The following MORC1 variants were observed in gnomAD, a reference collection of about 807,000 sequenced individuals.
MORC1 encodes the protein MORC family CW-type zinc finger 1, also known as MORC family CW-type zinc finger protein 1.
MORC1 carries 59 observed loss-of-function variants against 134.9 expected under a neutral mutation model. The observed-to-expected ratio is 0.44, with a 90% confidence interval of 0.35 to 0.54. MORC1 has a LOEUF of 0.54. Among genes scored for constraint, MORC1 ranks in the 20% least tolerant of loss-of-function variants. The probability of loss-of-function intolerance (pLI) is 0.00; values close to 1 mark genes in which losing one functional copy is unlikely to be tolerated. For synonymous variants in MORC1, 395 were observed against 391.7 expected (o/e 1.01, Z -0.10); for missense variants, 947 against 1,134.5 (o/e 0.83, Z 2.37).
At chr3:109,027,284 T>C (rs1426246098) in intron 17 of MORC1, among the ~76,000 whole-genome samples, 2 of 152,364 alleles carry the variant, frequency 1.3e-5, no homozygotes, top group African/African-American at 2.4e-5. Flanking sequence ...GTTTTATTTA[T>C]TGAATTTTCT....
At chr3:109,003,147 T>C (rs903368673) in intron 20 of MORC1, among the ~76,000 whole-genome samples, 2 of 152,060 alleles carry the variant, frequency 1.3e-5, no homozygotes, top group African/African-American at 4.8e-5. Flanking sequence ...TCTGTAATTA[T>C]TGGGTGTCTG....
intron 9 of MORC1, among the ~76,000 whole-genome samples, chr3:109,065,786 T>C (rs1381708833): frequency 2.6e-5 from 4 of 152,132 alleles, no homozygotes; most frequent in Admixed American, 6.5e-5. Flanking sequence ...CAATGGTGGA[T>C]TGGATTTTTT....
At chr3:109,052,376 T>C (rs1949849745) in intron 14 of MORC1, among the ~76,000 whole-genome samples, 1 of 152,196 alleles carries the variant, frequency 6.6e-6, no homozygotes, top group African/African-American at 2.4e-5. Flanking sequence ...ATAAATCACC[T>C]GGAGATCTTG....
rs540053708 is a variant in MORC1, at chr3:109,108,683, G to T, written c.154+2066C>A. On this transcript the variant is annotated intron_variant, in intron 3 of 27. Transcript: ENST00000232603. ...GAGGCCGAGGCGGGCGGATCACAAG[G>T]TCAGGAGATCAAGACCATCCTGGCT... 6.6e-5 allele frequency among the ~76,000 whole-genome samples: 10 copies of T among 152,190 alleles called. No homozygotes were observed. The South Asian group carries it at 1.9e-3, about 28-fold the overall frequency.
chr3:108,972,734 A>G (rs1189397817), intron 24 of MORC1, among the ~76,000 whole-genome samples: 1 of 152,170 alleles, frequency 6.6e-6, no homozygotes, highest in Non-Finnish European at 1.5e-5. Flanking sequence ...CCTTTTACAC[A>G]AACTAAACCT....
Position 108,991,580 on chromosome 3 carries a change from G to A in MORC1, c.2188-4631C>T, listed in dbSNP as rs193028476. Among the ~76,000 whole-genome samples the A allele has an allele frequency of 6.6e-5, 10 of 152,196 alleles. No individual in the cohort carries two copies. In the East Asian group the frequency reaches 1.9e-3, roughly 29 times the overall value. On this transcript the variant is annotated intron_variant, in intron 21 of 27. Transcript: ENST00000232603. ...TCTCTGGGTAGTTCATCCTTTTTCTGTCTACTCTCAACTTCTCAAGGAACC... is the reference window on the plus strand; with the variant it reads ...TCTCTGGGTAGTTCATCCTTTTTCTATCTACTCTCAACTTCTCAAGGAACC...
At chr3:109,050,596 G>T (rs867371601) in intron 14 of MORC1, among the ~76,000 whole-genome samples, 16 of 152,182 alleles carry the variant, frequency 1.1e-4, no homozygotes, top group African/African-American at 2.9e-4. Flanking sequence ...TAAACATTCA[G>T]ACCATAGCAC....
chr3:109,030,958 A>G (rs1239980464), intron 16 of MORC1, among the ~76,000 whole-genome samples: 3 of 152,214 alleles, frequency 2.0e-5, no homozygotes, highest in Non-Finnish European at 4.4e-5. Context: ...TCACAAATAT[A>G]TATACATATC....
At chr3:108,960,476 G>GCCAC (rs1421919252) in intron 27 of MORC1, among the ~76,000 whole-genome samples, 2 of 152,198 alleles carry the variant, frequency 1.3e-5, no homozygotes, top group African/African-American at 4.8e-5. Context: ...CTACCTAGAG[G>GCCAC]TGGAAGTGGT....
Position 108,971,373 on chromosome 3 carries a change from T to C in MORC1, c.2507A>G (p.His836Arg), listed in dbSNP as rs1486867877. 3 of 1,613,562 alleles carry C rather than the reference T, an allele frequency of 1.9e-6. No homozygotes were observed. The highest frequency in any genetic ancestry group is 2.5e-6 in the Non-Finnish European group (3 of 1,179,656). The stretch of plus-strand genomic sequence containing the variant: ...TTCTTCCAATTCTGATGGTAGCTGA[T>C]GCTCAGGAAAAAAATACAGAAGAAT... ...REILLYFFPE[H>R]QLPSELEEPA... is the part of the protein sequence containing the mutation. Residue 836 changes from histidine to arginine, a missense_variant, in exon 25 of 28, where the codon CAT (histidine) becomes CGT (arginine). Coordinates refer to ENST00000232603, the MANE Select transcript of MORC1 (RefSeq NM_014429.4).
intron 4 of MORC1, among the ~76,000 whole-genome samples, chr3:109,103,517 G>A (rs888791198): frequency 6.6e-6 from 1 of 152,084 alleles, no homozygotes; most frequent in African/African-American, 2.4e-5. Flanking sequence ...AATACCTAAA[G>A]GATGAGCTAA....
At chr3:108,983,936 T>G (rs937313496) in intron 23 of MORC1, among the ~76,000 whole-genome samples, 11 of 152,158 alleles carry the variant, frequency 7.2e-5, no homozygotes, top group African/African-American at 2.4e-4. Flanking sequence ...GGGCTAAAAG[T>G]AGAGGCATGA....
At chr3:108,962,407 C>A (rs1272501318) in intron 27 of MORC1, among the ~76,000 whole-genome samples, 1 of 151,962 alleles carries the variant, frequency 6.6e-6, no homozygotes, top group Non-Finnish European at 1.5e-5. Flanking sequence ...GGAATGAAAC[C>A]CAGGCAGCCT....
Position 109,004,919 on chromosome 3 carries a change from T to C in MORC1, c.2014-31A>G, listed in dbSNP as rs748447107. On this transcript the variant is annotated intron_variant, in intron 19 of 27. Transcript: ENST00000232603. ...AAAACAGAGAATACAGAAAAAAAAA[T>C]TAGAAATTGGGACCTTGTCCAGGAA... 3 of 1,592,436 alleles carry C rather than the reference T, an allele frequency of 1.9e-6. No homozygotes were observed. The South Asian group carries it at 3.4e-5, about 18-fold the overall frequency.
rs9880586 is a variant in MORC1, at chr3:109,002,291, C to T, written c.2086-1633G>A. ...CAGTCAGGCACTAGATGGAACAATG[C>T]TTTACTCACATAGAGAAGAGATAAA... On this transcript the variant is annotated intron_variant, in intron 20 of 27. Transcript: ENST00000232603. Among the ~76,000 whole-genome samples, 317 of 152,306 alleles carry T rather than the reference C, an allele frequency of 2.1e-3. 2 individuals are homozygous for T. Among genetic ancestry groups the T allele is most frequent in the African/African-American group, 7.1e-3 (295 of 41,564 alleles).
At chr3:109,043,469 A>C (rs1949609461) in intron 14 of MORC1, among the ~76,000 whole-genome samples, 1 of 152,136 alleles carries the variant, frequency 6.6e-6, no homozygotes, top group Non-Finnish European at 1.5e-5. Flanking sequence ...AGATGAAAAG[A>C]GTTTTAGAGA....
At chr3:109,041,270 C>T (rs571940455) in intron 14 of MORC1, among the ~76,000 whole-genome samples, 3 of 151,544 alleles carry the variant, frequency 2.0e-5, no homozygotes, top group African/African-American at 7.3e-5. Flanking sequence ...GAGATCGCGC[C>T]ACTGCACTCC....
intron 16 of MORC1, among the ~76,000 whole-genome samples, chr3:109,029,299 A>C (rs948609297): frequency 3.3e-5 from 5 of 152,208 alleles, no homozygotes; most frequent in Admixed American, 6.5e-5. Context: ...TGTTGATTTG[A>C]AGACATCTGT....
At chr3:109,040,403 A>AAAGAAAGAAAGAAAGAAAGAAAGAGAAG (rs1553753628) in intron 14 of MORC1, among the ~76,000 whole-genome samples, 4 of 13,568 alleles carry the variant, frequency 2.9e-4, no homozygotes, top group Non-Finnish European at 5.5e-4. Context: ...AGAAAGAAAG[A>AAAGAAAGAAAGAAAGAAAGAAAGAGAAG]GAAGGAAGGA....
Sources: gnomAD v4.1 joint callset for allele counts (sites outside exome capture counted in the v4.1 genomes callset) on GRCh38, gnomAD v4.1.1 for gene constraint, MANE v1.5 for transcripts, NCBI Gene and HGNC (gene_info 2026-07-23, HGNC 2026-07-21) for gene names.